The following PRPS2 variants were observed in gnomAD, a reference collection of about 807,000 sequenced individuals.
PRPS2 encodes phosphoribosyl pyrophosphate synthetase 2.
For missense variants in PRPS2, 104 were observed against 271.5 expected, an observed-to-expected ratio of 0.38 and a Z score of 4.34; for synonymous variants, 111 against 115.3, an observed-to-expected ratio of 0.96 and a Z score of 0.24.
At chrX:12,802,625 C>T (rs2042575951) in intron 2 of PRPS2, among the ~76,000 whole-genome samples, 1 of 112,492 alleles carries the variant, frequency 8.9e-6, no homozygotes, top group South Asian at 3.6e-4. Flanking sequence ...AGGCATGAGC[C>T]ATCGCGCCCA....
At chrX:12,806,595 A>C (rs193207696) in intron 2 of PRPS2, among the ~76,000 whole-genome samples, 1 of 112,607 alleles carries the variant, frequency 8.9e-6, no homozygotes, top group Admixed American at 9.4e-5. Flanking sequence ...CACAGAACAG[A>C]AACCAAATTT....
intron 2 of PRPS2, among the ~76,000 whole-genome samples, chrX:12,801,221 CGTGTGTGTGTGTGTGT>C (rs72506508): frequency 2.1e-5 from 2 of 93,366 alleles, no homozygotes; most frequent in Non-Finnish European, 4.2e-5. Context: ...TGCGTGCGCA[CGTGTGTGTGTGTGTGT>C]GTGTGTGTGT....
At chrX:12,807,034 C>T (rs990445630) in intron 2 of PRPS2, among the ~76,000 whole-genome samples, 1 of 111,127 alleles carries the variant, frequency 9.0e-6, no homozygotes, top group African/African-American at 3.3e-5. Context: ...CCAGCCAGGG[C>T]AACAAGAGCG....
chrX:12,792,386 T>C (rs184043533), intron 1 of PRPS2, among the ~76,000 whole-genome samples: 84 of 112,185 alleles, frequency 7.5e-4, no homozygotes, highest in African/African-American at 2.5e-3. Flanking sequence ...GACTTTCAGC[T>C]TCCTTCTTGT....
intron 2 of PRPS2, among the ~76,000 whole-genome samples, chrX:12,801,244 GTGTGTGTGTA>G (rs1274735262): frequency 9.3e-6 from 1 of 107,122 alleles, no homozygotes; most frequent in African/African-American, 3.6e-5. Flanking sequence ...GTGTGTGTGT[GTGTGTGTGTA>G]TGTGTGTGTG....
chrX:12,808,262 C>T (rs2042604210), intron 2 of PRPS2, among the ~76,000 whole-genome samples: 1 of 102,082 alleles, frequency 9.8e-6, no homozygotes, highest in Admixed American at 1.1e-4. Flanking sequence ...GTAATTCCTT[C>T]CTGCATGTGT....
chrX:12,809,456 T>C, intron 3 of PRPS2, 124 bp downstream of exon 3: 1 of 697,318 alleles, frequency 1.4e-6, no homozygotes, highest in Admixed American at 3.6e-5. Flanking sequence ...TTTACTAAAC[T>C]TGAAAATATA....
chrX:12,793,756 C>G (rs780405464), intron 1 of PRPS2, among the ~76,000 whole-genome samples: 1 of 112,652 alleles, frequency 8.9e-6, no homozygotes, highest in East Asian at 2.8e-4. Context: ...GAATCTGTCA[C>G]TGAACTAGGA....
In PRPS2 at chrX:12,792,261, A is replaced by T. The variant is rs916140561; in HGVS notation, c.122+642A>T. 5.7e-4 allele frequency among the ~76,000 whole-genome samples: 64 copies of T among 112,434 alleles called. 1 individual carries two copies. Among genetic ancestry groups the T allele is most frequent in the Non-Finnish European group, 8.3e-4 (44 of 53,177 alleles). On this transcript the variant is annotated intron_variant, in intron 1 of 6. Coordinates refer to ENST00000380668, the MANE Select transcript of PRPS2 (RefSeq NM_002765.5). Reference sequence around the variant, plus strand: ...CTCCTGAGCAGCCAGGGCGCAGACCACTGCGTTATCCAGAGGGTGCAGTTG... The same window carrying T: ...CTCCTGAGCAGCCAGGGCGCAGACCTCTGCGTTATCCAGAGGGTGCAGTTG...
chrX:12,809,880 T>C (rs1361313180), intron 3 of PRPS2, 142 bp from the exon 4 acceptor site: 10 of 842,893 alleles, frequency 1.2e-5, no homozygotes, highest in Non-Finnish European at 1.4e-5. Context: ...TGTTTAAAAT[T>C]AACAAAAGGG....
At chrX:12,813,653 G>A (rs1008425201) in intron 4 of PRPS2, among the ~76,000 whole-genome samples, 1 of 111,374 alleles carries the variant, frequency 9.0e-6, no homozygotes, top group African/African-American at 3.3e-5. Flanking sequence ...TCTGGTTGCT[G>A]TGGGTGAGGG....
At chrX:12,819,009 A>G (rs1373609880) in intron 4 of PRPS2, among the ~76,000 whole-genome samples, 1 of 111,609 alleles carries the variant, frequency 9.0e-6, no homozygotes, top group African/African-American at 3.3e-5. Context: ...ATGTCTGAGC[A>G]TTTGCCTTAG....
chrX:12,822,649 TCTAA>T (rs1171041329), intron 6 of PRPS2, 51 bp from the exon 7 acceptor site: 11 of 1,052,248 alleles, frequency 1.0e-5, no homozygotes, highest in South Asian at 3.7e-5. Flanking sequence ...TTTAAAGAAC[TCTAA>T]CTAAGATGTC....
At position 12,791,481 on chromosome X, in the gene PRPS2, G is replaced by T. The variant is rs867778794; in HGVS notation, c.-17G>T. Reference sequence around the variant, plus strand: ...CTCCTCCGCCGCCGCGCGCCCCTCGGAGTTCCGCGCCCCACCATGCCCAAC... The same window carrying T: ...CTCCTCCGCCGCCGCGCGCCCCTCGTAGTTCCGCGCCCCACCATGCCCAAC... On this transcript the variant is annotated 5_prime_UTR_variant, in exon 1 of 7. Transcript: ENST00000380668. The T allele has an allele frequency of 9.2e-6, 11 of 1,199,629 alleles. No homozygotes were observed. The Middle Eastern group carries it at 2.6e-3, about 283-fold the overall frequency.
intron 5 of PRPS2, among the ~76,000 whole-genome samples, 191 bp downstream of exon 5, chrX:12,819,871 G>A (rs1256801507): frequency 8.9e-6 from 1 of 112,565 alleles, no homozygotes; most frequent in Non-Finnish European, 1.9e-5. Context: ...GGGCCTTTTC[G>A]TTTTCCAGGG....
At chrX:12,802,575 G>A (rs746922531) in intron 2 of PRPS2, among the ~76,000 whole-genome samples, 44 of 111,753 alleles carry the variant, frequency 3.9e-4, no homozygotes, top group Admixed American at 3.4e-3. Context: ...CTGGCCTCAA[G>A]TGATCTGCCC....
chrX:12,820,879 T>G (rs1485739176), intron 6 of PRPS2, 76 bp downstream of exon 6: 8 of 1,076,626 alleles, frequency 7.4e-6, no homozygotes, highest in Non-Finnish European at 8.8e-6. Flanking sequence ...TCATGTCTTG[T>G]GTGTGTGTGG....
intron 2 of PRPS2, among the ~76,000 whole-genome samples, chrX:12,799,957 T>G (rs907002372): frequency 1.8e-5 from 2 of 112,346 alleles, no homozygotes; most frequent in Non-Finnish European, 3.8e-5. Flanking sequence ...CATTGAATTA[T>G]GTTTTTCACA....
chrX:12,818,450 C>A (rs2042660121), intron 4 of PRPS2, among the ~76,000 whole-genome samples: 1 of 109,962 alleles, frequency 9.1e-6, no homozygotes, highest in Non-Finnish European at 1.9e-5. Context: ...GCCTGGAGCA[C>A]CTAACTGCCC....
Sources: gnomAD v4.1 joint callset for allele counts (sites outside exome capture counted in the v4.1 genomes callset) on GRCh38, gnomAD v4.1.1 for gene constraint, MANE v1.5 for transcripts, NCBI Gene and HGNC (gene_info 2026-07-23, HGNC 2026-07-21) for gene names.